Variants in PHF20L1 observed in about 807,000 individuals in gnomAD.
The protein encoded by PHF20L1 is PHD finger protein 20 like 1.
A neutral mutation model predicts 125.5 loss-of-function variants in PHF20L1; 44 were observed. That is an observed-to-expected ratio of 0.35 (90% CI 0.28 to 0.45). The LOEUF is 0.45. Among genes scored for constraint, PHF20L1 ranks in the 20% least tolerant of loss-of-function variants. The pLI is 1.00. For synonymous variants in PHF20L1, 380 were observed against 403.1 expected, an observed-to-expected ratio of 0.94 and a Z score of 0.69; for missense variants, 1,012 against 1,217.2, an observed-to-expected ratio of 0.83 and a Z score of 2.51.
At position 132,832,354 on chromosome 8, in the gene PHF20L1, T is replaced by C. The variant is rs925201680; in HGVS notation, c.1864T>C (p.Tyr622His). The change falls in exon 15 of 21, where the codon TAT becomes CAT. Residue 622 changes from tyrosine (Y) to histidine (H), a missense_variant. Around this residue, in one of 7 missense-constraint regions of PHF20L1, gnomAD observed 320 missense variants for 293.8 expected, o/e 1.09. Transcript: ENST00000395386. ...CATGTTTACGGAGAAAACTACAACC[T>C]ATCAGTACCCAAGGGCAATTCTATC... The part of the protein sequence containing the change: ...RSMFTEKTTT[Y>H]QYPRAILSVD... 1 of 1,612,254 alleles carries C rather than the reference T, an allele frequency of 6.2e-7. No homozygotes were observed. The highest frequency in any genetic ancestry group is 1.1e-5 in the South Asian group (1 of 91,028).
intron 10 of PHF20L1, chr8:132,815,810 A>G (rs1373086861): frequency 3.3e-5 from 5 of 151,840 alleles, no homozygotes; most frequent in African/African-American, 1.2e-4. Flanking sequence ...AGGTGGAAAG[A>G]ATGGGAACAT....
chr8:132,812,798 G>C lies in PHF20L1; in HGVS notation c.930+1670G>C. ...GAGGTATTGATTGTTACTAACCTCT[G>C]TTTCCTAATGAGTTAAAGTAATGTC... On this transcript the variant is annotated intron_variant, in intron 9 of 20. Transcript: ENST00000395386. 16 of 983,292 alleles carry C rather than the reference G, an allele frequency of 1.6e-5. No homozygotes were observed. The South Asian group carries it at 7.1e-4, about 43-fold the overall frequency. 60.9% of individuals were successfully genotyped at this position (983,292 alleles called of 1,614,324 possible).
chr8:132,826,575 A>T (rs1836204377), intron 14 of PHF20L1: 1 of 152,238 alleles, frequency 6.6e-6, no homozygotes, highest in African/African-American at 2.4e-5. Flanking sequence ...TGAAGAAAAC[A>T]TAATATTTCA....
intron 17 of PHF20L1, 74 bp downstream of exon 17, chr8:132,837,885 G>C: frequency 2.0e-6 from 2 of 1,008,900 alleles, no homozygotes; most frequent in South Asian, 2.6e-5. Flanking sequence ...TGTATCAGCT[G>C]TGTTCACCAC....
chr8:132,788,929 C>A lies in PHF20L1; in HGVS notation c.84-5481C>A, dbSNP rs1186154405. 4 of 151,922 alleles carry A rather than the reference C, an allele frequency of 2.6e-5. No homozygotes were observed. In the East Asian group the frequency reaches 7.7e-4, roughly 29 times the overall value. 9.4% of individuals were successfully genotyped at this position (151,922 alleles called of 1,614,324 possible). Reference sequence around the variant, plus strand: ...GGAATTCTCACCTCAAAAGAATACCCATATACATCTACACCAAGCACATAG... The same window carrying A: ...GGAATTCTCACCTCAAAAGAATACCAATATACATCTACACCAAGCACATAG... On this transcript the variant is annotated intron_variant, in intron 2 of 20. Transcript: ENST00000395386.
At chr8:132,821,667 CTG>C (rs1263164278) in intron 12 of PHF20L1, among the ~76,000 whole-genome samples, 3 of 151,848 alleles carry the variant, frequency 2.0e-5, no homozygotes, top group African/African-American at 7.3e-5. Context: ...TCAGAAGAAT[CTG>C]TAATGTTTAG....
intron 8 of PHF20L1, chr8:132,808,276 T>A (rs951859345): frequency 2.0e-5 from 3 of 152,234 alleles, no homozygotes; most frequent in Admixed American, 2.0e-4. Flanking sequence ...TTGCAATGCT[T>A]TATTTTTCCT....
chr8:132,781,544 T>C (rs1207623911), intron 2 of PHF20L1, among the ~76,000 whole-genome samples: 1 of 152,144 alleles, frequency 6.6e-6, no homozygotes, highest in Admixed American at 6.5e-5. Context: ...TTCCCCTGCC[T>C]CAGCCTCCCG....
chr8:132,825,230 C>T (rs373959531), intron 13 of PHF20L1, 34 bp from the exon 14 acceptor site: 51 of 1,587,696 alleles, frequency 3.2e-5, no homozygotes, highest in South Asian at 1.6e-4. Flanking sequence ...CAGGATCAGT[C>T]GTGATTGCTA....
intron 9 of PHF20L1, among the ~76,000 whole-genome samples, chr8:132,813,721 C>T (rs1213363289): frequency 1.3e-5 from 2 of 151,932 alleles, no homozygotes; most frequent in African/African-American, 2.4e-5. Flanking sequence ...AGAAGTATTG[C>T]AGAACCATAG....
intron 9 of PHF20L1, 130 bp downstream of exon 9, chr8:132,811,258 A>AT (rs1834357662): frequency 4.1e-6 from 6 of 1,455,422 alleles, no homozygotes; most frequent in South Asian, 1.4e-5. Context: ...TTGATGATAT[A>AT]TTTTTAACTC....
intron 2 of PHF20L1, 63 bp from the exon 3 acceptor site, chr8:132,794,347 A>G: frequency 9.9e-7 from 1 of 1,013,180 alleles, no homozygotes; most frequent in Non-Finnish European, 1.5e-6. Context: ...AAATCTATGT[A>G]TAATGCTTTG....
At position 132,802,160 on chromosome 8, in the gene PHF20L1, T is replaced by C. The variant is rs528917009; in HGVS notation, c.508-1659T>C. Among the ~76,000 whole-genome samples the C allele has an allele frequency of 4.0e-4, 61 of 151,182 alleles. 2 individuals are homozygous for C. In the South Asian group the frequency reaches 0.012, roughly 31 times the overall value. ...CTCTCAATCCTTTTTTTTTTTTTCA[T>C]TGATGGTGCTTTCTTTTCTTACTGC... On this transcript the variant is annotated intron_variant, in intron 6 of 20. Coordinates refer to ENST00000395386, the MANE Select transcript of PHF20L1 (RefSeq NM_016018.5).
At chr8:132,821,397 C>T (rs1264713239) in intron 12 of PHF20L1, among the ~76,000 whole-genome samples, 3 of 151,938 alleles carry the variant, frequency 2.0e-5, no homozygotes, top group Non-Finnish European at 4.4e-5. Context: ...GGCAAAAAAG[C>T]ATCTTGTCAG....
intron 1 of PHF20L1, among the ~76,000 whole-genome samples, chr8:132,776,646 A>G (rs902884951): frequency 2.6e-5 from 4 of 152,168 alleles, no homozygotes; most frequent in Non-Finnish European, 4.4e-5. Context: ...AGACTCTTTC[A>G]AAGAGAAAAG....
intron 20 of PHF20L1, 107 bp downstream of exon 20, chr8:132,844,425 C>T: frequency 5.1e-6 from 4 of 790,802 alleles, no homozygotes; most frequent in Non-Finnish European, 8.0e-6. Flanking sequence ...CAGATACTCT[C>T]CATACCGATG....
At position 132,837,697 on chromosome 8, in the gene PHF20L1, C is replaced by T. The variant is rs770438062; in HGVS notation, c.2092-15C>T. 24 of 1,596,324 alleles carry T rather than the reference C, an allele frequency of 1.5e-5. No homozygotes were observed. In the African/African-American group the frequency reaches 2.0e-4, roughly 13 times the overall value. ...TGAGGATCGGGTGACTGTAATACTC[C>T]TCTGTTTTCTGCAGTGTGAAGAGTG... On this transcript the variant is annotated splice_polypyrimidine_tract_variant and intron_variant, in intron 16 of 20. Coordinates refer to ENST00000395386, the MANE Select transcript of PHF20L1 (RefSeq NM_016018.5).
rs1838058514 is a variant in PHF20L1, at chr8:132,842,743, C to G, written c.2616C>G (p.Asp872Glu). The change falls in exon 19 of 21, where the codon GAC (aspartate) becomes GAG (glutamate). Residue 872 changes from aspartate (D) to glutamate (E), a missense_variant. By Grantham distance (45) the Asp-to-Glu change is conservative. Around this residue, in one of 7 missense-constraint regions of PHF20L1, gnomAD observed 277 missense variants for 283.6 expected, o/e 0.98. Transcript: ENST00000395386. ...AAAAGCCACAAAGTTTTGGTCAGGA[C>G]TGTAAATCTCTCGCAGACCCTGGGA... ...SYQKPQSFGQ[D>E]CKSLADPGSS... is the part of the protein sequence containing the mutation. 1.2e-6 allele frequency: 2 copies of G among 1,613,320 alleles called. No individual in the cohort carries two copies. Among genetic ancestry groups the G allele is most frequent in the Admixed American group, 3.3e-5 (2 of 59,850 alleles).
At chr8:132,805,493 C>A (rs1256851914) in intron 8 of PHF20L1, among the ~76,000 whole-genome samples, 1 of 151,846 alleles carries the variant, frequency 6.6e-6, no homozygotes, top group Non-Finnish European at 1.5e-5. Context: ...ACATATTTAC[C>A]TTTTCTGAGT....
Sources: allele counts gnomAD v4.1 joint callset (sites outside exome capture counted in the v4.1 genomes callset), GRCh38; gene constraint gnomAD v4.1.1; regional missense constraint gnomAD v4.1.1; transcripts MANE v1.5; gene names NCBI Gene and HGNC (gene_info 2026-07-23, HGNC 2026-07-21).